The following PRR5L variants were observed in gnomAD, a reference collection of about 807,000 sequenced individuals.
The protein encoded by PRR5L is proline-rich protein 5-like.
PRR5L carries 21 observed loss-of-function variants against 36.4 expected under a neutral mutation model. That is an observed-to-expected ratio of 0.58 (90% CI 0.41 to 0.83). PRR5L has a LOEUF of 0.83. Ranked by LOEUF, PRR5L falls within the 40% of genes least tolerant of loss-of-function variation. PRR5L has a pLI of 0.00. For missense variants in PRR5L, 381 were observed against 473.3 expected, an observed-to-expected ratio of 0.80 and a Z score of 1.81; for synonymous variants, 188 against 197.0, an observed-to-expected ratio of 0.95 and a Z score of 0.38.
intron 1 of PRR5L, among the ~76,000 whole-genome samples, chr11:36,339,129 C>A: frequency 6.6e-6 from 1 of 152,160 alleles, no homozygotes; most frequent in Non-Finnish European, 1.5e-5. Context: ...GTAAATTGCC[C>A]AGTCTCAGGT....
chr11:36,308,434 C>T (rs900875583), intron 1 of PRR5L, among the ~76,000 whole-genome samples: 7 of 152,210 alleles, frequency 4.6e-5, no homozygotes, highest in African/African-American at 1.7e-4. Flanking sequence ...ATGGTCTCCA[C>T]TAGATAATTT....
intron 4 of PRR5L, among the ~76,000 whole-genome samples, chr11:36,419,813 T>C (rs1239205425): frequency 6.6e-6 from 1 of 152,196 alleles, no homozygotes; most frequent in Non-Finnish European, 1.5e-5. Context: ...AAAATTCCAC[T>C]GTAAACTCGT....
intron 3 of PRR5L, among the ~76,000 whole-genome samples, chr11:36,409,969 G>A: frequency 6.6e-6 from 1 of 152,166 alleles, no homozygotes; most frequent in South Asian, 2.1e-4. Flanking sequence ...ATCCAGATTT[G>A]GGCTTGATGT....
At chr11:36,317,201 T>A (rs1373048925) in intron 1 of PRR5L, among the ~76,000 whole-genome samples, 1 of 152,232 alleles carries the variant, frequency 6.6e-6, no homozygotes, top group African/African-American at 2.4e-5. Context: ...ACAGGGCTTG[T>A]CTGCCTTAGT....
chr11:36,361,539 AG>A (rs1857088913), intron 1 of PRR5L, among the ~76,000 whole-genome samples: 1 of 152,226 alleles, frequency 6.6e-6, no homozygotes, highest in African/African-American at 2.4e-5. Context: ...AAGACTTTAA[AG>A]GGTTACTGAG....
In PRR5L at chr11:36,437,393, C is replaced by T. The variant is rs751977077; in HGVS notation, c.361C>T (p.Arg121Cys). ...EKIKLCEGEN[R>C]IEVLAEVWDH... ...TTCTCGCCCTCTTGTAGGTGAAAAT[C>T]GCATTGAGGTTCTGGCTGAAGTCTG... Residue 121 changes from arginine (R) to cysteine (C), a missense_variant, in exon 6 of 9, where the codon CGC becomes TGC. By Grantham distance (180) the Arg-to-Cys change is radical. Coordinates refer to ENST00000530639, the MANE Select transcript of PRR5L (RefSeq NM_001160167.2). The T allele has an allele frequency of 7.5e-6, 12 of 1,608,072 alleles. No homozygotes were observed. In the African/African-American group the frequency reaches 8.0e-5, roughly 11 times the overall value.
At chr11:36,407,611 T>C (rs1045254059) in intron 3 of PRR5L, among the ~76,000 whole-genome samples, 2 of 152,230 alleles carry the variant, frequency 1.3e-5, no homozygotes, top group Admixed American at 6.5e-5. Context: ...CAAATGGTAA[T>C]AAACTTTTTG....
At chr11:36,430,289 G>A (rs754427779) in intron 4 of PRR5L, among the ~76,000 whole-genome samples, 1 of 151,874 alleles carries the variant, frequency 6.6e-6, no homozygotes, top group Non-Finnish European at 1.5e-5. Flanking sequence ...GCTGGTGCCT[G>A]TAATCCCATC....
chr11:36,440,524 A>G (rs1858698510), intron 6 of PRR5L, among the ~76,000 whole-genome samples: 1 of 152,204 alleles, frequency 6.6e-6, no homozygotes, highest in African/African-American at 2.4e-5. Flanking sequence ...CCAAATGACT[A>G]CAGGTATTTC....
intron 4 of PRR5L, among the ~76,000 whole-genome samples, chr11:36,421,718 G>A (rs978150119): frequency 2.6e-5 from 4 of 152,136 alleles, no homozygotes; most frequent in East Asian, 1.9e-4. Context: ...GATTTTAGGC[G>A]ATGCGTGCAA....
intron 3 of PRR5L, among the ~76,000 whole-genome samples, chr11:36,414,777 G>C (rs1295037111): frequency 6.8e-6 from 1 of 148,086 alleles, no homozygotes; most frequent in East Asian, 2.0e-4. Context: ...CAGACATGAA[G>C]TCCTTGCCCA....
chr11:36,386,469 T>G (rs1857458225), intron 1 of PRR5L: 1 of 152,220 alleles, frequency 6.6e-6, no homozygotes, highest in Admixed American at 6.5e-5. Context: ...ACTGAACAAG[T>G]AAACAAACAC....
chr11:36,339,517 T>C (rs147118638), intron 1 of PRR5L, among the ~76,000 whole-genome samples: 181 of 152,394 alleles, frequency 1.2e-3, no homozygotes, highest in African/African-American at 4.3e-3. Context: ...ATTTATTAAC[T>C]TCTATGTGCT....
At chr11:36,301,817 T>A (rs1012907651) in intron 1 of PRR5L, among the ~76,000 whole-genome samples, 2 of 152,202 alleles carry the variant, frequency 1.3e-5, no homozygotes, top group African/African-American at 2.4e-5. Context: ...CATTCAGTGA[T>A]ATTAGAGAAT....
intron 4 of PRR5L, among the ~76,000 whole-genome samples, chr11:36,422,927 A>G (rs1858300326): frequency 6.6e-6 from 1 of 151,920 alleles, no homozygotes. Context: ...TAATTTTTGA[A>G]ACTGATGATA....
At chr11:36,389,331 TAA>T (rs761015537) in intron 1 of PRR5L, among the ~76,000 whole-genome samples, 1 of 152,160 alleles carries the variant, frequency 6.6e-6, no homozygotes, top group Non-Finnish European at 1.5e-5. Context: ...TTGCAAAGCC[TAA>T]GAGGGTTTTG....
At chr11:36,356,791 C>G (rs1857032566) in intron 1 of PRR5L, among the ~76,000 whole-genome samples, 3 of 152,160 alleles carry the variant, frequency 2.0e-5, no homozygotes, top group Non-Finnish European at 4.4e-5. Flanking sequence ...GGTTGTTCCC[C>G]TGACTCTCCC....
intron 1 of PRR5L, chr11:36,394,340 A>G (rs982363324): frequency 6.6e-6 from 1 of 152,178 alleles, no homozygotes; most frequent in African/African-American, 2.4e-5. Context: ...CTTCATAGAC[A>G]ATCTTTCTGG....
intron 1 of PRR5L, among the ~76,000 whole-genome samples, chr11:36,374,120 CTCTTTCTT>C (rs139552429): frequency 8.7e-6 from 1 of 114,836 alleles, no homozygotes; most frequent in Non-Finnish European, 1.9e-5. Flanking sequence ...CTCTCTCTCT[CTCTTTCTT>C]TCTTTGTCTT....
Sources: allele counts gnomAD v4.1 joint callset (sites outside exome capture counted in the v4.1 genomes callset), GRCh38; gene constraint gnomAD v4.1.1; transcripts MANE v1.5; gene names NCBI Gene and HGNC (gene_info 2026-07-23, HGNC 2026-07-21).